The following LAMA1 variants were observed in gnomAD, a reference collection of about 807,000 sequenced individuals.
The protein encoded by LAMA1 is laminin subunit alpha-1.
LAMA1 carries 219 observed loss-of-function variants against 348.7 expected under a neutral mutation model. The observed-to-expected ratio is 0.63, with a 90% CI of 0.56 to 0.70. The LOEUF (loss-of-function observed/expected upper bound fraction) is 0.70. Ranked by LOEUF, LAMA1 falls within the 30% of genes least tolerant of loss-of-function variation. The pLI is 0.00. For synonymous variants in LAMA1, 1,487 were observed against 1,491.0 expected (o/e 1.00, Z 0.06); for missense variants, 3,744 against 3,888.0 (o/e 0.96, Z 0.99).
At chr18:7,031,454 T>C (rs2057968763) in intron 16 of LAMA1, among the ~76,000 whole-genome samples, 1 of 152,226 alleles carries the variant, frequency 6.6e-6, no homozygotes, top group South Asian at 2.1e-4. Context: ...TTATCCCAAC[T>C]AACTATAAAG....
intron 1 of LAMA1, among the ~76,000 whole-genome samples, chr18:7,117,378 A>G (rs2058361719): frequency 6.8e-6 from 1 of 147,274 alleles, no homozygotes; most frequent in Admixed American, 6.9e-5. Flanking sequence ...CTGGGTCGCG[A>G]AGTCCCGCAA....
chr18:7,085,672 C>A (rs910816017), intron 1 of LAMA1, among the ~76,000 whole-genome samples: 5 of 152,082 alleles, frequency 3.3e-5, no homozygotes, highest in Non-Finnish European at 7.4e-5. Flanking sequence ...CCCGCCTCAG[C>A]CTCCCAAAGT....
At chr18:7,083,767 A>G (rs1040963815) in intron 1 of LAMA1, among the ~76,000 whole-genome samples, 8 of 152,076 alleles carry the variant, frequency 5.3e-5, no homozygotes, top group Non-Finnish European at 1.2e-4. Context: ...TTCCAAGATG[A>G]AAGAAGATGA....
chr18:6,975,000 C>G lies in LAMA1; in HGVS notation c.6526G>C (p.Val2176Leu), dbSNP rs1392510959. 1 of 1,614,066 alleles carries G rather than the reference C, an allele frequency of 6.2e-7. No individual in the cohort carries two copies. The highest frequency in any genetic ancestry group is 8.5e-7 in the Non-Finnish European group (1 of 1,180,016). The change falls in exon 46 of 63, where the codon GTG becomes CTG. Residue 2176 changes from valine (V) to leucine (L), a missense_variant. Around this residue, in one of 3 missense-constraint regions of LAMA1, gnomAD observed 1,983 missense variants for 1,934.3 expected, o/e 1.03. Coordinates refer to ENST00000389658, the MANE Select transcript of LAMA1 (RefSeq NM_005559.4). The stretch of plus-strand genomic sequence containing the variant: ...GAGCCCAGGTCCCACAGGAAGGCCA[C>G]TCTCCCTCGCCGCATCTCCACTGCA... ...FLAVEMRRGRVAFLWDLGSGS... is the reference protein window; with the variant it reads ...FLAVEMRRGRLAFLWDLGSGS...
At chr18:7,114,287 T>C (rs2058347618) in intron 1 of LAMA1, among the ~76,000 whole-genome samples, 1 of 152,184 alleles carries the variant, frequency 6.6e-6, no homozygotes, top group Admixed American at 6.5e-5. Flanking sequence ...TCACATATTA[T>C]TTAATAGTAT....
At chr18:7,015,264 G>C (rs1034521242) in intron 22 of LAMA1, among the ~76,000 whole-genome samples, 1 of 152,088 alleles carries the variant, frequency 6.6e-6, no homozygotes, top group African/African-American at 2.4e-5. Context: ...GCATTAAGGT[G>C]TATTGTTTTT....
In LAMA1 at chr18:6,997,145, C is replaced by T. The variant is rs528201810; in HGVS notation, c.4806+597G>A. ...GTGGTGTGATCTCGGCTCACTGCAACCTCCACCTCCCAGGTTCAAGCAATT... is the reference window on the plus strand; with the variant it reads ...GTGGTGTGATCTCGGCTCACTGCAATCTCCACCTCCCAGGTTCAAGCAATT... On this transcript the variant is annotated intron_variant, in intron 33 of 62. Coordinates refer to ENST00000389658, the MANE Select transcript of LAMA1 (RefSeq NM_005559.4). 5.4e-4 allele frequency among the ~76,000 whole-genome samples: 82 copies of T among 151,608 alleles called. 1 individual carries two copies. Among genetic ancestry groups the T allele is most frequent in the African/African-American group, 1.8e-3 (76 of 41,282 alleles).
intron 19 of LAMA1, among the ~76,000 whole-genome samples, chr18:7,020,463 G>A (rs1161577831): frequency 6.6e-6 from 1 of 152,168 alleles, no homozygotes; most frequent in Admixed American, 6.5e-5. Context: ...AGAATGGGGG[G>A]CCCTACAAGA....
intron 23 of LAMA1, 125 bp downstream of exon 23, chr18:7,013,690 G>A (rs1299255045): frequency 2.5e-5 from 21 of 834,258 alleles, no homozygotes; most frequent in South Asian, 4.4e-5. Context: ...ACTCAGATGC[G>A]GAAGGGAGTG....
At chr18:6,959,256 C>T in intron 54 of LAMA1, 85 bp downstream of exon 54, 1 of 1,586,476 alleles carries the variant, frequency 6.3e-7, no homozygotes, top group East Asian at 2.2e-5. Context: ...ATCTAGCCGC[C>T]CAGGGCACCA....
chr18:7,039,914 T>C (rs1253019720), intron 10 of LAMA1, among the ~76,000 whole-genome samples, 162 bp downstream of exon 10: 1 of 152,140 alleles, frequency 6.6e-6, no homozygotes, highest in Non-Finnish European at 1.5e-5. Flanking sequence ...CAAGCATATA[T>C]AATACAGCCA....
Position 6,965,272 on chromosome 18 carries a change from CCAT to C in LAMA1, c.7195+13_7195+15del, listed in dbSNP as rs759432097. 1.2e-6 allele frequency: 2 copies of C among 1,614,086 alleles called. No individual in the cohort carries two copies. The highest frequency in any genetic ancestry group is 1.7e-6 in the Non-Finnish European group (2 of 1,179,964). On this transcript the variant is annotated intron_variant, in intron 50 of 62. Coordinates refer to ENST00000389658, the MANE Select transcript of LAMA1 (RefSeq NM_005559.4). ...TGAGGGTGACCGACATCTGGTGAGT[CCAT>C]CTGTGTCCCTACCTTGCTTCCGGTT...
chr18:7,108,668 G>A (rs1250485344), intron 1 of LAMA1, among the ~76,000 whole-genome samples: 436 of 56,888 alleles, frequency 7.7e-3, no homozygotes, highest in East Asian at 0.013. Flanking sequence ...AAAAAAAAAA[G>A]CTAACTCCCT....
rs536244679 is a variant in LAMA1, at chr18:7,093,278, G to T, written c.62-12821C>A. On this transcript the variant is annotated intron_variant, in intron 1 of 62. Coordinates refer to ENST00000389658, the MANE Select transcript of LAMA1 (RefSeq NM_005559.4). The stretch of plus-strand genomic sequence containing the variant: ...AAAAATATAAAAAATTAGCCGGGCG[G>T]GGTGGCGGGCGCCTGTGGTCCCAGC... Among the ~76,000 whole-genome samples, 153 of 152,182 alleles carry T rather than the reference G, an allele frequency of 1.0e-3. No individual in the cohort carries two copies. In the Middle Eastern group the frequency reaches 0.017, roughly 17 times the overall value.
At chr18:6,986,002 C>A (rs761935764) in intron 37 of LAMA1, 135 bp downstream of exon 37, 5 of 903,168 alleles carry the variant, frequency 5.5e-6, no homozygotes, top group Non-Finnish European at 9.0e-6. Context: ...TCATGATCTG[C>A]CTGCCTCGGC....
intron 21 of LAMA1, 82 bp downstream of exon 21, chr18:7,016,409 A>C: frequency 6.5e-7 from 1 of 1,530,026 alleles, no homozygotes; most frequent in Non-Finnish European, 9.0e-7. Flanking sequence ...CACTTAACCA[A>C]AATTAGTTGG....
chr18:7,094,494 G>A (rs2037097776), intron 1 of LAMA1, among the ~76,000 whole-genome samples: 1 of 150,226 alleles, frequency 6.7e-6, no homozygotes, highest in African/African-American at 2.5e-5. Context: ...CAAACACCCT[G>A]AGTTTAACCA....
At chr18:7,113,689 G>A (rs1006718149) in intron 1 of LAMA1, among the ~76,000 whole-genome samples, 7 of 152,102 alleles carry the variant, frequency 4.6e-5, no homozygotes, top group South Asian at 2.1e-4. Context: ...GAGGCTGCTG[G>A]CCTGCTGAGT....
At chr18:7,084,091 A>AAAAAAAAAAAAAT (rs2058205167) in intron 1 of LAMA1, among the ~76,000 whole-genome samples, 1 of 151,126 alleles carries the variant, frequency 6.6e-6, no homozygotes, top group Non-Finnish European at 1.5e-5. Flanking sequence ...AAAAAAAAAA[A>AAAAAAAAAAAAAT]AAAAAAAAGC....
Sources: allele counts gnomAD v4.1 joint callset (sites outside exome capture counted in the v4.1 genomes callset), GRCh38; gene constraint gnomAD v4.1.1; regional missense constraint gnomAD v4.1.1; transcripts MANE v1.5; gene names NCBI Gene and HGNC (gene_info 2026-07-23, HGNC 2026-07-21).